CA10: variants seen among roughly 807,000 people sequenced by gnomAD.
CA10 encodes carbonic anhydrase-related protein 10.
In CA10, 14 loss-of-function variants were observed where a neutral mutation model predicts 44.2. That is an observed-to-expected ratio of 0.32 (90% CI 0.21 to 0.50). CA10 has a LOEUF of 0.50. CA10 is among the 20% of genes least tolerant of loss of function. The pLI is 0.99. For missense variants in CA10, 350 were observed against 409.7 expected, an observed-to-expected ratio of 0.85 and a Z score of 1.26; for synonymous variants, 159 against 141.6, an observed-to-expected ratio of 1.12 and a Z score of -0.87.
At chr17:51,636,984 G>C (rs1912863636) in intron 6 of CA10, among the ~76,000 whole-genome samples, 1 of 152,046 alleles carries the variant, frequency 6.6e-6, no homozygotes, top group Admixed American at 6.5e-5. Flanking sequence ...ATCTAAAACT[G>C]TTACTATTAG....
chr17:52,153,906 T>C (rs550022358), intron 1 of CA10, among the ~76,000 whole-genome samples: 1 of 152,336 alleles, frequency 6.6e-6, no homozygotes, highest in African/African-American at 2.4e-5. Context: ...TTATCTCTTT[T>C]CTACACATAA....
intron 2 of CA10, among the ~76,000 whole-genome samples, chr17:51,976,741 G>T (rs975390634): frequency 6.6e-6 from 1 of 151,548 alleles, no homozygotes; most frequent in Non-Finnish European, 1.5e-5. Flanking sequence ...GAAAGGGAAT[G>T]TTAAAAATGA....
chr17:51,960,987 GA>G (rs889009652), intron 2 of CA10, among the ~76,000 whole-genome samples: 2 of 152,178 alleles, frequency 1.3e-5, no homozygotes, highest in African/African-American at 2.4e-5. Context: ...ATTCTGAGTT[GA>G]AAGGCGTTAA....
intron 2 of CA10, among the ~76,000 whole-genome samples, chr17:52,008,500 T>C (rs536663722): frequency 5.9e-5 from 9 of 151,894 alleles, no homozygotes; most frequent in Non-Finnish European, 8.8e-5. Context: ...TGGTTAAGTA[T>C]GTTAATTTAA....
chr17:51,717,864 T>TATATAA (rs1270220202), intron 4 of CA10, among the ~76,000 whole-genome samples: 1 of 56,638 alleles, frequency 1.8e-5, no homozygotes, highest in African/African-American at 6.4e-5. Context: ...TATATATATA[T>TATATAA]ATATACAGGA....
chr17:51,656,672 G>A (rs1393940621), intron 4 of CA10, among the ~76,000 whole-genome samples: 2 of 152,182 alleles, frequency 1.3e-5, no homozygotes, highest in South Asian at 2.1e-4. Context: ...GACAGTGTGC[G>A]CTCTAGGGAT....
intron 2 of CA10, among the ~76,000 whole-genome samples, chr17:52,050,004 C>T (rs933873178): frequency 2.0e-5 from 3 of 151,994 alleles, no homozygotes; most frequent in Non-Finnish European, 4.4e-5. Context: ...TAGGCTATAC[C>T]ACATAGCCTA....
chr17:51,703,724 A>C (rs573197378), intron 4 of CA10, among the ~76,000 whole-genome samples: 5 of 152,312 alleles, frequency 3.3e-5, no homozygotes, highest in African/African-American at 1.2e-4. Context: ...CACTTAGGAA[A>C]CTGGGCTTTC....
chr17:51,638,768 C>G (rs893509338), intron 6 of CA10, among the ~76,000 whole-genome samples: 1 of 152,074 alleles, frequency 6.6e-6, no homozygotes, highest in African/African-American at 2.4e-5. Context: ...GGCGAGGGTG[C>G]GGGGTACTCA....
intron 2 of CA10, among the ~76,000 whole-genome samples, chr17:52,048,124 GA>G (rs1338906665): frequency 1.3e-5 from 2 of 151,964 alleles, no homozygotes; most frequent in African/African-American, 2.4e-5. Context: ...CAAACTGGGG[GA>G]AAAAATGTCT....
At chr17:51,810,751 G>T (rs1183050188) in intron 3 of CA10, among the ~76,000 whole-genome samples, 1 of 152,226 alleles carries the variant, frequency 6.6e-6, no homozygotes, top group Admixed American at 6.5e-5. Context: ...TGGGGATGAG[G>T]TTCCCTGTTG....
chr17:51,641,595 C>A (rs1913089465), intron 6 of CA10, among the ~76,000 whole-genome samples: 1 of 152,196 alleles, frequency 6.6e-6, no homozygotes, highest in Non-Finnish European at 1.5e-5. Flanking sequence ...TTTCAAATGA[C>A]TGCAGAAGTT....
intron 4 of CA10, among the ~76,000 whole-genome samples, chr17:51,703,611 C>T (rs1366285870): frequency 6.6e-6 from 1 of 152,152 alleles, no homozygotes; most frequent in East Asian, 1.9e-4. Context: ...ATACTGTTGA[C>T]ACTCAAGTAA....
At chr17:51,967,619 A>G (rs752197878) in intron 2 of CA10, among the ~76,000 whole-genome samples, 8 of 151,830 alleles carry the variant, frequency 5.3e-5, no homozygotes, top group Non-Finnish European at 1.2e-4. Flanking sequence ...AGTCTCACTT[A>G]TAAGTGGGGC....
chr17:51,740,528 A>G (rs1431737998), intron 4 of CA10, among the ~76,000 whole-genome samples: 3 of 152,214 alleles, frequency 2.0e-5, no homozygotes. Flanking sequence ...CATTGAGAGC[A>G]ACCGCCTTGA....
intron 1 of CA10, among the ~76,000 whole-genome samples, chr17:52,072,759 G>A (rs1987719190): frequency 6.6e-6 from 1 of 150,494 alleles, no homozygotes; most frequent in African/African-American, 2.5e-5. Context: ...GAGACAGTAG[G>A]CAGATCCCAT....
At chr17:52,042,882 C>CT (rs1430634357) in intron 2 of CA10, among the ~76,000 whole-genome samples, 3 of 151,826 alleles carry the variant, frequency 2.0e-5, no homozygotes, top group Non-Finnish European at 2.9e-5. Context: ...TTCTTGACAC[C>CT]CTTATCAAAG....
At chr17:51,809,230 C>A (rs1002338613) in intron 3 of CA10, among the ~76,000 whole-genome samples, 1 of 152,168 alleles carries the variant, frequency 6.6e-6, no homozygotes, top group African/African-American at 2.4e-5. Context: ...CATAAACACT[C>A]CCTGATGAAG....
intron 3 of CA10, among the ~76,000 whole-genome samples, chr17:51,915,976 A>AAC (rs1392336023): frequency 6.6e-6 from 1 of 152,108 alleles, no homozygotes; most frequent in East Asian, 1.9e-4. Flanking sequence ...TAAAAAAAAA[A>AAC]AAACCTTACC....
Sources: allele counts gnomAD v4.1 joint callset (sites outside exome capture counted in the v4.1 genomes callset), GRCh38; gene constraint gnomAD v4.1.1; transcripts MANE v1.5; gene names NCBI Gene and HGNC (gene_info 2026-07-23, HGNC 2026-07-21).